Variants in PDGFD observed in about 807,000 individuals in gnomAD.
PDGFD encodes the protein platelet-derived growth factor D.
A neutral mutation model predicts 44.7 loss-of-function variants in PDGFD; 30 were observed. That is an observed-to-expected ratio of 0.67 (90% CI 0.50 to 0.91). PDGFD has a LOEUF of 0.91. Among genes scored for constraint, PDGFD ranks in the 40% least tolerant of loss-of-function variants. PDGFD has a pLI of 0.00. For missense variants in PDGFD, 445 were observed against 457.8 expected, an observed-to-expected ratio of 0.97 and a Z score of 0.25; for synonymous variants, 173 against 168.4, an observed-to-expected ratio of 1.03 and a Z score of -0.21.
Position 103,943,449 on chromosome 11 carries a change from T to C in PDGFD, c.772+3A>G, listed in dbSNP as rs796360902. On this transcript the variant is annotated splice_donor_region_variant and intron_variant, in intron 5 of 6. Coordinates refer to ENST00000393158, the MANE Select transcript of PDGFD (RefSeq NM_025208.5). ...GAAGAATGTACAAGTGTCTGTCTCT[T>C]ACCTTTTGACTTCCGGTCATGGTAT... is the stretch of plus-strand genomic sequence containing the variant. The C allele has an allele frequency of 1.2e-6, 2 of 1,610,182 alleles. No individual in the cohort carries two copies. The highest frequency in any genetic ancestry group is 2.7e-5 in the African/African-American group (2 of 74,830).
intron 1 of PDGFD, chr11:104,036,895 T>A (rs1242336085): frequency 1.2e-6 from 2 of 1,614,142 alleles, no homozygotes; most frequent in Admixed American, 3.3e-5. Context: ...CAGCCCCGAC[T>A]TTGAGCTCCG....
At chr11:104,134,368 A>G (rs1861969521) in intron 1 of PDGFD, among the ~76,000 whole-genome samples, 1 of 152,188 alleles carries the variant, frequency 6.6e-6, no homozygotes, top group Non-Finnish European at 1.5e-5. Flanking sequence ...TCCTAAGTAT[A>G]CTATTAAAGG....
intron 1 of PDGFD, among the ~76,000 whole-genome samples, chr11:104,151,406 T>G (rs557479714): frequency 6.6e-6 from 1 of 152,260 alleles, no homozygotes; most frequent in East Asian, 1.9e-4. Context: ...TATTTAAAAT[T>G]TATTGATATA....
chr11:104,133,962 T>C (rs1406402559), intron 1 of PDGFD, among the ~76,000 whole-genome samples: 1 of 152,192 alleles, frequency 6.6e-6, no homozygotes, highest in Non-Finnish European at 1.5e-5. Context: ...ATTGCTGATA[T>C]GGACCCATGT....
chr11:104,099,213 C>A (rs186607762), intron 1 of PDGFD, among the ~76,000 whole-genome samples: 3 of 152,208 alleles, frequency 2.0e-5, no homozygotes, highest in Admixed American at 6.5e-5. Flanking sequence ...TAGGAAGGAC[C>A]AGCATTGTGT....
intron 1 of PDGFD, among the ~76,000 whole-genome samples, chr11:104,088,478 G>T (rs935129371): frequency 5.9e-5 from 9 of 152,104 alleles, no homozygotes; most frequent in Admixed American, 2.0e-4. Flanking sequence ...TAACACAAAG[G>T]TTAAATTGAT....
intron 1 of PDGFD, among the ~76,000 whole-genome samples, chr11:104,006,696 G>C (rs1445276768): frequency 6.6e-6 from 1 of 152,208 alleles, no homozygotes; most frequent in African/African-American, 2.4e-5. Flanking sequence ...AGAGAGAAGA[G>C]AAGGAGCATC....
At chr11:103,922,555 C>CT (rs397805890) in intron 6 of PDGFD, among the ~76,000 whole-genome samples, 4 of 151,712 alleles carry the variant, frequency 2.6e-5, no homozygotes, top group African/African-American at 7.3e-5. Flanking sequence ...AATTCCCCCC[C>CT]GCCTTTTTGT....
intron 3 of PDGFD, among the ~76,000 whole-genome samples, chr11:103,967,312 T>A (rs749825505): frequency 3.9e-5 from 6 of 152,176 alleles, no homozygotes; most frequent in Non-Finnish European, 7.3e-5. Flanking sequence ...TCTCCACCCC[T>A]TGTTACCATC....
chr11:103,952,078 G>T (rs1858767644), intron 3 of PDGFD, among the ~76,000 whole-genome samples: 1 of 152,132 alleles, frequency 6.6e-6, no homozygotes, highest in African/African-American at 2.4e-5. Context: ...CATTCTGACT[G>T]GTTGGTCCCT....
intron 1 of PDGFD, among the ~76,000 whole-genome samples, chr11:104,106,410 T>C (rs1446798887): frequency 4.0e-5 from 6 of 151,010 alleles, no homozygotes; most frequent in African/African-American, 1.5e-4. Context: ...TGCATCAGCA[T>C]AACTTCCAGT....
At chr11:104,090,472 T>C (rs1430685693) in intron 1 of PDGFD, among the ~76,000 whole-genome samples, 5 of 133,714 alleles carry the variant, frequency 3.7e-5, no homozygotes, top group Non-Finnish European at 6.5e-5. Context: ...AAAAAAAAAA[T>C]ACAAAAATCA....
chr11:103,918,426 T>G (rs1858159990), intron 6 of PDGFD, among the ~76,000 whole-genome samples: 1 of 152,232 alleles, frequency 6.6e-6, no homozygotes, highest in South Asian at 2.1e-4. Flanking sequence ...TGATAAATAT[T>G]CCTTGTTTAA....
rs138058754 is a variant in PDGFD, at chr11:103,927,096, T to C, written c.803A>G (p.Lys268Arg). ...ATTCCTGGGAGTGCAACTGTAACGC[T>C]TGGCATCATCATTGAGCCTATCCAG... Reference protein sequence around the residue: ...VDLDRLNDDAKRYSCTPRNYS... With the variant: ...VDLDRLNDDARRYSCTPRNYS... The change falls in exon 6 of 7, where the codon AAG becomes AGG. Residue 268 changes from lysine (K) to arginine (R), a missense_variant. Transcript: ENST00000393158. 7.4e-6 allele frequency: 12 copies of C among 1,614,012 alleles called. No homozygotes were observed. The highest frequency in any genetic ancestry group is 1.6e-4 in the Middle Eastern group (1 of 6,084).
chr11:104,140,568 C>T (rs1390053733), intron 1 of PDGFD, among the ~76,000 whole-genome samples: 1 of 152,042 alleles, frequency 6.6e-6, no homozygotes, highest in African/African-American at 2.4e-5. Flanking sequence ...AACTTTCCTT[C>T]AGGAAAAGAG....
At chr11:104,044,588 T>G (rs1481205831) in intron 1 of PDGFD, among the ~76,000 whole-genome samples, 1 of 152,220 alleles carries the variant, frequency 6.6e-6, no homozygotes, top group Non-Finnish European at 1.5e-5. Context: ...TTAATCAATA[T>G]TTGCATGTAT....
At chr11:104,142,274 T>A (rs1862096418) in intron 1 of PDGFD, among the ~76,000 whole-genome samples, 1 of 152,194 alleles carries the variant, frequency 6.6e-6, no homozygotes, top group South Asian at 2.1e-4. Flanking sequence ...TGTGTGTATT[T>A]ATACATATAC....
intron 1 of PDGFD, among the ~76,000 whole-genome samples, chr11:104,126,941 G>A (rs1457317175): frequency 6.6e-6 from 1 of 152,070 alleles, no homozygotes; most frequent in Non-Finnish European, 1.5e-5. Context: ...TGGTGATACA[G>A]CAGCAGAGTT....
intron 1 of PDGFD, among the ~76,000 whole-genome samples, chr11:104,095,476 C>T (rs1210252766): frequency 6.6e-6 from 1 of 152,072 alleles, no homozygotes; most frequent in Non-Finnish European, 1.5e-5. Flanking sequence ...CAAGCTCCTG[C>T]TTTCAGTCAC....
Sources: gnomAD v4.1 joint callset for allele counts (sites outside exome capture counted in the v4.1 genomes callset) on GRCh38, gnomAD v4.1.1 for gene constraint, MANE v1.5 for transcripts, NCBI Gene and HGNC (gene_info 2026-07-23, HGNC 2026-07-21) for gene names.